The following NBAS variants were observed in gnomAD, a reference collection of about 807,000 sequenced individuals.
NBAS encodes the protein NBAS subunit of NRZ tethering complex.
NBAS carries 219 observed loss-of-function variants against 302.5 expected under a neutral mutation model. The observed-to-expected ratio is 0.72, with a 90% CI of 0.65 to 0.81. The LOEUF (loss-of-function observed/expected upper bound fraction) is 0.81, where lower values mean the gene tolerates loss of function less well. Among genes scored for constraint, NBAS ranks in the 30% least tolerant of loss-of-function variants. The pLI is 0.00. For synonymous variants in NBAS, 1,118 were observed against 1,021.6 expected, an observed-to-expected ratio of 1.09 and a Z score of -1.80; for missense variants, 2,932 against 2,841.6, an observed-to-expected ratio of 1.03 and a Z score of -0.72.
the NBAS span, among the ~76,000 whole-genome samples, chr2:14,836,507 C>T: frequency 7.6e-4 from 115 of 151,954 alleles, no homozygotes; most frequent in African/African-American, 2.0e-3. Flanking sequence ...ATGTGGATAT[C>T]CAATCGTTGC....
At chr2:15,237,560 ATATTTATTTATT>A (rs35617829) in intron 45 of NBAS, among the ~76,000 whole-genome samples, 2,173 of 139,924 alleles carry the variant, frequency 0.016, 45 homozygotes, top group African/African-American at 0.049. Flanking sequence ...GAAAATCAAA[ATATTTATTTATT>A]TATTTATTTA....
the NBAS span, among the ~76,000 whole-genome samples, chr2:15,127,039 C>T: frequency 6.6e-6 from 1 of 152,176 alleles, no homozygotes; most frequent in Non-Finnish European, 1.5e-5. Context: ...CCTCGGAATG[C>T]CCTGGGGGCA....
At chr2:15,174,081 G>A (rs953674014) in intron 51 of NBAS, among the ~76,000 whole-genome samples, 4 of 152,170 alleles carry the variant, frequency 2.6e-5, no homozygotes, top group African/African-American at 4.8e-5. Context: ...ATTGCTGGAC[G>A]CATCCAGACA....
intron 44 of NBAS, among the ~76,000 whole-genome samples, chr2:15,262,253 T>C (rs1424146516): frequency 6.6e-6 from 1 of 152,206 alleles, no homozygotes; most frequent in Admixed American, 6.5e-5. Context: ...AAGTACTTTA[T>C]GGTGAAACTA....
At chr2:15,150,097 T>G in the NBAS span, among the ~76,000 whole-genome samples, 1 of 149,740 alleles carries the variant, frequency 6.7e-6, no homozygotes, top group African/African-American at 2.5e-5. Context: ...GACATTAAAC[T>G]AATTGGGCTT....
chr2:14,863,065 G>T, the NBAS span, among the ~76,000 whole-genome samples: 1 of 152,224 alleles, frequency 6.6e-6, no homozygotes, highest in Non-Finnish European at 1.5e-5. Context: ...GTCTGGCAAA[G>T]CTTCACATTG....
the NBAS span, among the ~76,000 whole-genome samples, chr2:15,084,988 T>C: frequency 6.6e-6 from 1 of 152,232 alleles, no homozygotes; most frequent in African/African-American, 2.4e-5. Flanking sequence ...TGCTGGCCGC[T>C]GCAGGGAGCA....
chr2:15,205,211 T>C (rs1314134060), intron 48 of NBAS, among the ~76,000 whole-genome samples: 8 of 152,052 alleles, frequency 5.3e-5, no homozygotes, highest in Admixed American at 5.2e-4. Flanking sequence ...AACACAGAAT[T>C]TGTAAGATGC....
the NBAS span, among the ~76,000 whole-genome samples, chr2:14,955,842 G>A: frequency 1.3e-5 from 2 of 152,166 alleles, no homozygotes; most frequent in African/African-American, 2.4e-5. Context: ...CCAGGCCTGT[G>A]ATAAGAGGGA....
At chr2:14,915,158 G>A in the NBAS span, among the ~76,000 whole-genome samples, 1 of 152,204 alleles carries the variant, frequency 6.6e-6, no homozygotes, top group Non-Finnish European at 1.5e-5. Flanking sequence ...CAGGTGATGG[G>A]TTTAACTGAC....
rs571633784 is a variant in NBAS, at chr2:15,205,923, G to A, written c.6432+12850C>T. 3.3e-4 allele frequency among the ~76,000 whole-genome samples: 51 copies of A among 152,240 alleles called. No homozygotes were observed. In the South Asian group the frequency reaches 1.0e-2, roughly 30 times the overall value. On this transcript the variant is annotated intron_variant, in intron 48 of 51. Coordinates refer to ENST00000281513, the MANE Select transcript of NBAS (RefSeq NM_015909.4). Reference sequence around the variant, plus strand: ...ACACAGTCTCAGGTAGGTCTTTATAGCAGTGTGAAAAAGGACTAATATAGA... The same window carrying A: ...ACACAGTCTCAGGTAGGTCTTTATAACAGTGTGAAAAAGGACTAATATAGA...
In NBAS at chr2:15,179,034, T is replaced by C. The variant is rs1271085490; in HGVS notation, c.6794A>G (p.Glu2265Gly). The change falls in exon 51 of 52, where the codon GAG becomes GGG. Residue 2265 changes from glutamate (E) to glycine (G), a missense_variant. Coordinates refer to ENST00000281513, the MANE Select transcript of NBAS (RefSeq NM_015909.4). ...CTCCAGTGCCATCTCGTGCAGATGC[T>C]CATCTCGGCTCTCGAGGAGAAGTTT... is the stretch of plus-strand genomic sequence containing the variant. ...SLKLLLESRD[E>G]HLHEMALEQI... The C allele has an allele frequency of 1.2e-6, 2 of 1,613,860 alleles. No homozygotes were observed. The highest frequency in any genetic ancestry group is 1.7e-6 in the Non-Finnish European group (2 of 1,180,036).
chr2:15,088,832 A>C, the NBAS span, among the ~76,000 whole-genome samples: 1 of 152,256 alleles, frequency 6.6e-6, no homozygotes, highest in Non-Finnish European at 1.5e-5. Flanking sequence ...CTCCTGGCCC[A>C]GTGTTCTTCT....
chr2:14,839,657 G>T, the NBAS span, among the ~76,000 whole-genome samples: 2 of 151,960 alleles, frequency 1.3e-5, no homozygotes, highest in African/African-American at 4.8e-5. Flanking sequence ...TTTGAGACAG[G>T]TGGCACGTCA....
At chr2:15,291,823 T>C (rs1466327605) in intron 41 of NBAS, among the ~76,000 whole-genome samples, 2 of 152,190 alleles carry the variant, frequency 1.3e-5, no homozygotes, top group Admixed American at 6.5e-5. Context: ...GACAATCTTA[T>C]TTTTAAATTT....
chr2:15,313,735 C>T (rs918228524), intron 38 of NBAS, among the ~76,000 whole-genome samples: 3 of 152,220 alleles, frequency 2.0e-5, no homozygotes, highest in Non-Finnish European at 4.4e-5. Flanking sequence ...CCCACCTGAA[C>T]ATCCATGAGG....
the NBAS span, among the ~76,000 whole-genome samples, chr2:14,807,455 G>A: frequency 1.4e-4 from 4 of 27,688 alleles, no homozygotes; most frequent in East Asian, 2.6e-3. Flanking sequence ...GTGTGTGTGA[G>A]TGTGTGTGTG....
Position 15,353,722 on chromosome 2 carries a change from G to T in NBAS, c.3932-12C>A, listed in dbSNP as rs949892164. On this transcript the variant is annotated splice_polypyrimidine_tract_variant and intron_variant, in intron 33 of 51. Transcript: ENST00000281513. ...ACTTTTAGGATAACCTGCAAAATTG[G>T]CAAGGAAAAAAATGATTCCCAAAAG... is the stretch of plus-strand genomic sequence containing the variant. 2 of 1,613,732 alleles carry T rather than the reference G, an allele frequency of 1.2e-6. No individual in the cohort carries two copies. Among genetic ancestry groups the T allele is most frequent in the South Asian group, 2.2e-5 (2 of 91,062 alleles).
intron 25 of NBAS, among the ~76,000 whole-genome samples, chr2:15,402,960 CATGA>C (rs1676225031): frequency 6.6e-6 from 1 of 151,956 alleles, no homozygotes; most frequent in African/African-American, 2.4e-5. Flanking sequence ...ATCTATAAAG[CATGA>C]ATATTAACAA....
Sources: allele counts gnomAD v4.1 joint callset (sites outside exome capture counted in the v4.1 genomes callset), GRCh38; gene constraint gnomAD v4.1.1; transcripts MANE v1.5; gene names NCBI Gene and HGNC (gene_info 2026-07-23, HGNC 2026-07-21).